The following EDA variants were observed in gnomAD, a reference collection of about 807,000 sequenced individuals.
The protein encoded by EDA is ectodysplasin A.
A neutral mutation model predicts 23.6 loss-of-function variants in EDA; 2 were observed. That is an observed-to-expected ratio of 0.08 (90% confidence interval 0.03 to 0.27). The LOEUF (loss-of-function observed/expected upper bound fraction) is 0.27. Ranked by LOEUF, EDA falls within the 10% of genes least tolerant of loss-of-function variation. The probability of loss-of-function intolerance (pLI) is 1.00; values close to 1 mark genes in which losing one functional copy is unlikely to be tolerated. For synonymous variants in EDA, 131 were observed against 132.0 expected (o/e 0.99, Z 0.05); for missense variants, 229 against 324.2 (o/e 0.71, Z 2.26).
chrX:69,939,427 A>AT (rs200002777), intron 1 of EDA, among the ~76,000 whole-genome samples: 21,288 of 108,617 alleles, frequency 0.2, 1,685 homozygotes, highest in South Asian at 0.32. Context: ...TGCTGTGTTG[A>AT]TTTTTTTTTA....
chrX:69,808,341 C>T (rs754091202), intron 1 of EDA, among the ~76,000 whole-genome samples: 2 of 111,852 alleles, frequency 1.8e-5, no homozygotes, highest in South Asian at 3.8e-4. Flanking sequence ...CTTCCATTAT[C>T]CTCAGGACAT....
intron 1 of EDA, among the ~76,000 whole-genome samples, chrX:69,843,065 C>T (rs1481580089): frequency 2.7e-5 from 3 of 111,600 alleles, no homozygotes; most frequent in Non-Finnish European, 5.6e-5. Context: ...AAAGAAAGTG[C>T]CTTCAAGGAG....
Position 70,013,824 on chromosome X carries a change from T to G in EDA, c.503-9394T>G, listed in dbSNP as rs2019909216. Among the ~76,000 whole-genome samples, 3 of 110,975 alleles carry G rather than the reference T, an allele frequency of 2.7e-5. No homozygotes were observed. In the South Asian group the frequency reaches 1.1e-3, roughly 42 times the overall value. On this transcript the variant is annotated intron_variant, in intron 2 of 7. Coordinates refer to ENST00000374552, the MANE Select transcript of EDA (RefSeq NM_001399.5). Reference sequence around the variant, plus strand: ...CTGGAAAAGGAACTAAGATCCTGAGTGCTTTACTCACACCTCCAGCATACC... The same window carrying G: ...CTGGAAAAGGAACTAAGATCCTGAGGGCTTTACTCACACCTCCAGCATACC...
chrX:69,761,069 G>A (rs755449346), intron 1 of EDA, among the ~76,000 whole-genome samples: 6 of 110,703 alleles, frequency 5.4e-5, no homozygotes, highest in Non-Finnish European at 7.5e-5. Context: ...AGTTAGAGAC[G>A]AGGCTCTAAG....
chrX:69,829,376 G>A (rs746617321), intron 1 of EDA, among the ~76,000 whole-genome samples: 1,409 of 112,027 alleles, frequency 0.013, 18 homozygotes, highest in Non-Finnish European at 0.018. Flanking sequence ...GTCCAAGGTT[G>A]ATAATCTTTC....
intron 1 of EDA, among the ~76,000 whole-genome samples, chrX:69,720,652 A>G (rs1163136459): frequency 8.9e-6 from 1 of 112,073 alleles, no homozygotes; most frequent in Non-Finnish European, 1.9e-5. Flanking sequence ...GTCCTCCAGC[A>G]ATCTTATTTT....
intron 1 of EDA, among the ~76,000 whole-genome samples, chrX:69,820,614 A>C (rs1380382758): frequency 8.9e-6 from 1 of 112,342 alleles, no homozygotes. Flanking sequence ...GAAGACATAC[A>C]TGCGGCCAAC....
chrX:69,927,707 G>A (rs994800490), intron 1 of EDA, among the ~76,000 whole-genome samples: 57 of 110,863 alleles, frequency 5.1e-4, no homozygotes, highest in Non-Finnish European at 1.7e-4. Context: ...GTCTTGCTAG[G>A]TTGGGGAAGT....
chrX:69,738,534 C>T (rs1193804563), intron 1 of EDA, among the ~76,000 whole-genome samples: 1 of 106,680 alleles, frequency 9.4e-6, no homozygotes, highest in Admixed American at 1.0e-4. Context: ...CTTTCTTCTG[C>T]TTGCTTTAGG....
chrX:69,898,578 G>A (rs1030803980), intron 1 of EDA, among the ~76,000 whole-genome samples: 14 of 111,484 alleles, frequency 1.3e-4, no homozygotes, highest in Non-Finnish European at 1.9e-4. Context: ...GCGAGACTCC[G>A]TCTAAATAGA....
At chrX:69,868,472 ACTGAGGTAGAAGGTTC>A (rs1298244831) in intron 1 of EDA, among the ~76,000 whole-genome samples, 2 of 111,928 alleles carry the variant, frequency 1.8e-5, no homozygotes, top group African/African-American at 6.5e-5. Flanking sequence ...TAGAAATTTT[ACTGAGGTAGAAGGTTC>A]CTGAGTTTTA....
rs67241807 is a variant in EDA, at chrX:69,793,570, G to GTTTTTTTTT, written c.397-163446_397-163438dup. ...GCTTTTTGTTTGTTTGTTTGTTTTTGTTTTTTTTTTTTTTTTTTTGCTCCC... is the reference window on the plus strand; with the variant it reads ...GCTTTTTGTTTGTTTGTTTGTTTTTGTTTTTTTTTTTTTTTTTTTTTTTTTTTTGCTCCC... On this transcript the variant is annotated intron_variant, in intron 1 of 7. Transcript: ENST00000374552. Among the ~76,000 whole-genome samples the GTTTTTTTTT allele has an allele frequency of 2.4e-3, 141 of 58,715 alleles. 1 individual carries two copies. Among genetic ancestry groups the GTTTTTTTTT allele is most frequent in the Non-Finnish European group, 2.8e-3 (95 of 34,335 alleles). The allele number at this position is 58,715 out of a possible 115,157, so 51.0% of individuals were successfully genotyped here.
At chrX:69,635,966 A>G (rs1429469266) in intron 1 of EDA, among the ~76,000 whole-genome samples, 1 of 109,906 alleles carries the variant, frequency 9.1e-6, no homozygotes, top group East Asian at 2.9e-4. Flanking sequence ...TTCCTTAACT[A>G]TTCTTTGCCA....
At chrX:69,965,889 T>A (rs915851292) in intron 2 of EDA, among the ~76,000 whole-genome samples, 5 of 111,004 alleles carry the variant, frequency 4.5e-5, no homozygotes, top group African/African-American at 1.6e-4. Context: ...TCTACAAAAA[T>A]TTTTTTTATT....
At chrX:69,903,961 C>T (rs371670578) in intron 1 of EDA, among the ~76,000 whole-genome samples, 6 of 110,226 alleles carry the variant, frequency 5.4e-5, no homozygotes, top group East Asian at 2.9e-4. Flanking sequence ...CAGGCGCCCA[C>T]CACCATGCCT....
At chrX:69,656,989 A>T (rs1372453958) in intron 1 of EDA, among the ~76,000 whole-genome samples, 1 of 111,623 alleles carries the variant, frequency 9.0e-6, no homozygotes, top group Admixed American at 9.5e-5. Context: ...TGGTAGAATG[A>T]TTTATTTTTC....
intron 1 of EDA, among the ~76,000 whole-genome samples, chrX:69,819,913 AC>A (rs772469803): frequency 0.055 from 4,297 of 78,099 alleles, 122 homozygotes; most frequent in Non-Finnish European, 0.075. Flanking sequence ...AAAAAAAAAA[AC>A]AAAAAACACC....
chrX:69,762,792 G>A, intron 1 of EDA, among the ~76,000 whole-genome samples: 1 of 111,623 alleles, frequency 9.0e-6, no homozygotes, highest in Non-Finnish European at 1.9e-5. Flanking sequence ...AGATGTCATT[G>A]GAACTCAGCA....
intron 1 of EDA, among the ~76,000 whole-genome samples, chrX:69,787,153 C>T (rs1424870295): frequency 1.0e-5 from 1 of 99,076 alleles, no homozygotes; most frequent in Admixed American, 1.1e-4. Context: ...GGTAGATCTT[C>T]CTCCATCCTT....
Sources: gnomAD v4.1 joint callset for allele counts (sites outside exome capture counted in the v4.1 genomes callset) on GRCh38, gnomAD v4.1.1 for gene constraint, MANE v1.5 for transcripts, NCBI Gene and HGNC (gene_info 2026-07-23, HGNC 2026-07-21) for gene names.